Variants in SMCHD1 observed in about 807,000 individuals in gnomAD.
The protein encoded by SMCHD1 is structural maintenance of chromosomes flexible hinge domain containing 1, also known as structural maintenance of chromosomes flexible hinge domain-containing protein 1.
A neutral mutation model predicts 254.7 loss-of-function variants in SMCHD1; 78 were observed. That is an observed-to-expected ratio of 0.31 (90% CI 0.26 to 0.37). The LOEUF is 0.37. Among genes scored for constraint, SMCHD1 ranks in the 10% least tolerant of loss-of-function variants. The pLI is 1.00. For synonymous variants in SMCHD1, 766 were observed against 794.9 expected (o/e 0.96, Z 0.61); for missense variants, 1,840 against 2,408.1 (o/e 0.76, Z 4.94).
intron 19 of SMCHD1, among the ~76,000 whole-genome samples, chr18:2,719,033 T>G (rs143840470): frequency 0.014 from 2,096 of 151,698 alleles, 22 homozygotes; most frequent in Non-Finnish European, 0.02. Flanking sequence ...TCCTCAAGTT[T>G]TAGGGGAATC....
chr18:2,703,045 A>G (rs1182377408), intron 12 of SMCHD1, among the ~76,000 whole-genome samples: 1 of 152,216 alleles, frequency 6.6e-6, no homozygotes, highest in Admixed American at 6.5e-5. Flanking sequence ...CTTCTTAAGT[A>G]TTATTAGAAA....
At chr18:2,695,298 T>C (rs2074262340) in intron 8 of SMCHD1, among the ~76,000 whole-genome samples, 1 of 150,230 alleles carries the variant, frequency 6.7e-6, no homozygotes, top group South Asian at 2.1e-4. Flanking sequence ...ATTTAATGGC[T>C]CTAAAAAAAA....
At chr18:2,743,652 C>A in intron 28 of SMCHD1, 109 bp from the exon 29 acceptor site, 2 of 645,394 alleles carry the variant, frequency 3.1e-6, no homozygotes, top group Non-Finnish European at 4.7e-6. Context: ...TGTCATGTTA[C>A]CAAGAAACAC....
intron 4 of SMCHD1, 142 bp from the exon 5 acceptor site, chr18:2,673,873 C>T: frequency 1.3e-6 from 1 of 774,100 alleles, no homozygotes. Context: ...GCTGAAGTGC[C>T]TTTCAGAAAA....
At chr18:2,759,704 G>A (rs938621271) in intron 34 of SMCHD1, among the ~76,000 whole-genome samples, 1 of 149,958 alleles carries the variant, frequency 6.7e-6, no homozygotes, top group Non-Finnish European at 1.5e-5. Context: ...TGAATAGCGG[G>A]GACTACAGGC....
At chr18:2,770,880 A>T (rs2075970462) in intron 39 of SMCHD1, among the ~76,000 whole-genome samples, 1 of 152,080 alleles carries the variant, frequency 6.6e-6, no homozygotes, top group Non-Finnish European at 1.5e-5. Context: ...CTTGGCCCCC[A>T]CAAAGTGCTA....
chr18:2,656,783 T>C (rs894021069), intron 1 of SMCHD1, among the ~76,000 whole-genome samples: 11 of 152,052 alleles, frequency 7.2e-5, no homozygotes, highest in African/African-American at 2.7e-4. Context: ...TGCAGGTCCT[T>C]CTGGGGCGGG....
intron 17 of SMCHD1, among the ~76,000 whole-genome samples, chr18:2,713,528 T>TAA (rs35972993): frequency 2.6e-5 from 4 of 151,634 alleles, no homozygotes; most frequent in Admixed American, 6.6e-5. Context: ...TACTAAGAAG[T>TAA]AAAAAAATTA....
At chr18:2,662,846 G>A (rs544332932) in intron 1 of SMCHD1, among the ~76,000 whole-genome samples, 1 of 152,128 alleles carries the variant, frequency 6.6e-6, no homozygotes, top group South Asian at 2.1e-4. Flanking sequence ...TATTTCTCTA[G>A]GGTGGAATTG....
chr18:2,780,700 T>C (rs2076144626), intron 44 of SMCHD1, among the ~76,000 whole-genome samples: 1 of 152,198 alleles, frequency 6.6e-6, no homozygotes, highest in Admixed American at 6.5e-5. Context: ...TTGTAGCTTT[T>C]GCCAATTTCT....
chr18:2,756,159 T>C (rs991603851), intron 34 of SMCHD1, among the ~76,000 whole-genome samples: 4 of 152,262 alleles, frequency 2.6e-5, no homozygotes, highest in African/African-American at 9.6e-5. Context: ...TTTAATGTGG[T>C]AATTATAGTA....
chr18:2,721,590 G>A (rs1485356590), intron 19 of SMCHD1, among the ~76,000 whole-genome samples: 3 of 152,156 alleles, frequency 2.0e-5, no homozygotes, highest in Admixed American at 6.5e-5. Context: ...CTGTACGTAT[G>A]TTAGAATCTC....
At chr18:2,754,211 G>A (rs976746043) in intron 34 of SMCHD1, among the ~76,000 whole-genome samples, 6 of 152,086 alleles carry the variant, frequency 3.9e-5, no homozygotes, top group Non-Finnish European at 8.8e-5. Context: ...TTTGTGTCCT[G>A]TTTAAGTCTT....
intron 12 of SMCHD1, among the ~76,000 whole-genome samples, chr18:2,703,197 T>C (rs1450351354): frequency 6.6e-6 from 1 of 152,244 alleles, no homozygotes; most frequent in East Asian, 1.9e-4. Context: ...TTGGCATCTT[T>C]TTCTCAATTG....
chr18:2,700,509 C>T lies in SMCHD1; in HGVS notation c.1343-30C>T, dbSNP rs530000144. 13 of 1,575,136 alleles carry T rather than the reference C, an allele frequency of 8.3e-6. No homozygotes were observed. The African/African-American group carries it at 1.6e-4, about 20-fold the overall frequency. ...TTATTTCTCACATTTTAGCAATAAA[C>T]ATTTTGTTCCATTTGCCCTTTTGAT... On this transcript the variant is annotated intron_variant, in intron 10 of 47. Coordinates refer to ENST00000320876, the MANE Select transcript of SMCHD1 (RefSeq NM_015295.3).
chr18:2,778,107 A>G (rs2076096753), intron 43 of SMCHD1, 62 bp from the exon 44 acceptor site: 5 of 1,294,058 alleles, frequency 3.9e-6, no homozygotes, highest in African/African-American at 1.5e-5. Context: ...AATGTGCATT[A>G]TATTTTAATA....
chr18:2,788,635 C>T (rs1208609577), intron 45 of SMCHD1, among the ~76,000 whole-genome samples: 2 of 152,050 alleles, frequency 1.3e-5, no homozygotes, highest in South Asian at 2.1e-4. Context: ...GACAGAGTCT[C>T]GCTCTGTTGC....
intron 3 of SMCHD1, among the ~76,000 whole-genome samples, chr18:2,667,642 C>G (rs781467771): frequency 6.6e-6 from 1 of 152,020 alleles, no homozygotes; most frequent in Non-Finnish European, 1.5e-5. Flanking sequence ...AATTAGAAAA[C>G]ATAGATAAGC....
At chr18:2,702,713 T>C (rs1468794256) in intron 12 of SMCHD1, among the ~76,000 whole-genome samples, 1 of 152,222 alleles carries the variant, frequency 6.6e-6, no homozygotes, top group Admixed American at 6.5e-5. Flanking sequence ...TTTTCATTCA[T>C]ATAACTTTAA....
Sources: gnomAD v4.1 joint callset for allele counts (sites outside exome capture counted in the v4.1 genomes callset) on GRCh38, gnomAD v4.1.1 for gene constraint, MANE v1.5 for transcripts, NCBI Gene and HGNC (gene_info 2026-07-23, HGNC 2026-07-21) for gene names.